FOCAD: variants seen among roughly 807,000 people sequenced by gnomAD.
The protein encoded by FOCAD is KIAA1797.
FOCAD carries 198 observed loss-of-function variants against 225.6 expected under a neutral mutation model. The observed-to-expected ratio is 0.88, with a 90% confidence interval of 0.78 to 0.99. The LOEUF is 0.99. Among genes scored for constraint, FOCAD ranks in the 50% least tolerant of loss-of-function variants. FOCAD has a pLI of 0.00. For synonymous variants in FOCAD, 897 were observed against 755.0 expected, an observed-to-expected ratio of 1.19 and a Z score of -3.08; for missense variants, 2,713 against 2,123.6, an observed-to-expected ratio of 1.28 and a Z score of -5.46.
intron 18 of FOCAD, chr9:20,874,050 AC>A (rs1176157118): frequency 2.6e-5 from 4 of 152,192 alleles, no homozygotes; most frequent in Admixed American, 1.3e-4. Flanking sequence ...GTTCAAACAA[AC>A]CTAACTAATC....
chr9:20,853,509 AAATGTCATGGT>A (rs1195470076), intron 15 of FOCAD, among the ~76,000 whole-genome samples: 3 of 151,754 alleles, frequency 2.0e-5, no homozygotes, highest in African/African-American at 7.2e-5. Context: ...CCTCTTTTGG[AAATGTCATGGT>A]GATGTTACGG....
intron 37 of FOCAD, among the ~76,000 whole-genome samples, chr9:20,981,093 A>C (rs1460903676): frequency 3.9e-5 from 6 of 152,224 alleles, no homozygotes; most frequent in African/African-American, 1.4e-4. Flanking sequence ...AAAACTGAAA[A>C]GTAACTGTCA....
intron 2 of FOCAD, among the ~76,000 whole-genome samples, chr9:20,676,081 C>G (rs1333011231): frequency 6.6e-6 from 1 of 152,146 alleles, no homozygotes; most frequent in African/African-American, 2.4e-5. Flanking sequence ...GAAGAAAAAG[C>G]TTAGTTGGAC....
chr9:20,770,277 A>T (rs760038872), intron 8 of FOCAD, 39 bp downstream of exon 8: 2 of 1,525,916 alleles, frequency 1.3e-6, no homozygotes, highest in Non-Finnish European at 1.8e-6. Flanking sequence ...ATGCATTGCT[A>T]TTAAGAAATA....
chr9:20,734,151 C>T (rs1826941395), intron 4 of FOCAD, among the ~76,000 whole-genome samples: 1 of 152,100 alleles, frequency 6.6e-6, no homozygotes, highest in African/African-American at 2.4e-5. Context: ...TTTTTGTCAT[C>T]TTTTTTTTCT....
intron 4 of FOCAD, among the ~76,000 whole-genome samples, chr9:20,737,401 A>G (rs1255067228): frequency 6.6e-6 from 1 of 152,212 alleles, no homozygotes; most frequent in African/African-American, 2.4e-5. Context: ...AAAAAGGATT[A>G]TTTAATGAAT....
At position 20,938,711 on chromosome 9, in the gene FOCAD, C is replaced by G. The variant is rs150538162; in HGVS notation, c.3407+5608C>G. Among the ~76,000 whole-genome samples the G allele has an allele frequency of 2.2e-3, 340 of 151,206 alleles. 10 individuals are homozygous for G. The East Asian group carries it at 0.043, about 19-fold the overall frequency. ...AACCTGCACATTGTGCACATGTACC[C>G]TAAAACTTATAATAAAGAAAAGAAA... On this transcript the variant is annotated intron_variant, in intron 28 of 43. Transcript: ENST00000338382.
In FOCAD at chr9:20,990,264, C is replaced by T. The variant is rs199645278; in HGVS notation, c.5146C>T (p.Leu1716Phe). Residue 1716 changes from leucine to phenylalanine, a missense_variant, in exon 42 of 44, where the codon CTT (leucine) becomes TTT (phenylalanine). Transcript: ENST00000338382. ...CCCGGCTGGGCCAGTACCAAGCTTCCTTGGCAGGAGTCCAATGCACAGGGT... is the reference window on the plus strand; with the variant it reads ...CCCGGCTGGGCCAGTACCAAGCTTCTTTGGCAGGAGTCCAATGCACAGGGT... ...NGPAGPVPSFLGRSPMHRVTL... is the reference protein window; with the variant it reads ...NGPAGPVPSFFGRSPMHRVTL... 5.0e-6 allele frequency: 8 copies of T among 1,614,184 alleles called. No individual in the cohort carries two copies. Among genetic ancestry groups the T allele is most frequent in the Non-Finnish European group, 5.9e-6 (7 of 1,180,016 alleles).
intron 1 of FOCAD, among the ~76,000 whole-genome samples, chr9:20,708,712 G>A (rs1209021085): frequency 6.6e-6 from 1 of 152,014 alleles, no homozygotes; most frequent in Non-Finnish European, 1.5e-5. Context: ...GGAGTTTGAG[G>A]CTGCAGTGAC....
chr9:20,777,040 T>C (rs530694119), intron 8 of FOCAD, among the ~76,000 whole-genome samples: 5 of 152,228 alleles, frequency 3.3e-5, no homozygotes, highest in Non-Finnish European at 5.9e-5. Context: ...ATACATAGAT[T>C]GGAATATATC....
intron 19 of FOCAD, among the ~76,000 whole-genome samples, chr9:20,876,315 G>T (rs1830218873): frequency 6.6e-6 from 1 of 152,138 alleles, no homozygotes; most frequent in Admixed American, 6.6e-5. Flanking sequence ...GTTATCCAAA[G>T]TTCTTTCTTT....
intron 35 of FOCAD, among the ~76,000 whole-genome samples, chr9:20,958,436 T>C (rs1426937988): frequency 3.3e-5 from 5 of 152,154 alleles, no homozygotes; most frequent in African/African-American, 4.8e-5. Flanking sequence ...ATTATACATA[T>C]TCATGGAGTA....
rs1230515073 is a variant in FOCAD at position 20,695,391 on chromosome 9, A to AT, written c.-33+11100dup. Reference sequence around the variant, plus strand: ...TTAATATTTTTAGCCACAGTTGATGATTCATTCACAAATCAAAGTATTTAT... The same window carrying AT: ...TTAATATTTTTAGCCACAGTTGATGATTTCATTCACAAATCAAAGTATTTAT... On this transcript the variant is annotated intron_variant, in intron 1 of 43. Coordinates refer to ENST00000338382, the MANE Select transcript of FOCAD (RefSeq NM_001375567.1). Among the ~76,000 whole-genome samples, 8 of 152,170 alleles carry AT rather than the reference A, an allele frequency of 5.3e-5. No homozygotes were observed. In the East Asian group the frequency reaches 1.3e-3, roughly 26 times the overall value.
intron 21 of FOCAD, among the ~76,000 whole-genome samples, chr9:20,894,619 A>G (rs1831912406): frequency 6.6e-6 from 1 of 152,116 alleles, no homozygotes. Context: ...AGCATTTTGT[A>G]TATGCTTATT....
intron 35 of FOCAD, among the ~76,000 whole-genome samples, chr9:20,961,601 T>A (rs1267326446): frequency 6.6e-6 from 1 of 152,210 alleles, no homozygotes; most frequent in South Asian, 2.1e-4. Context: ...CTCTCATGTA[T>A]TTTTATTTCT....
At chr9:20,784,341 C>CT (rs760214287) in intron 10 of FOCAD, among the ~76,000 whole-genome samples, 60 of 152,158 alleles carry the variant, frequency 3.9e-4, no homozygotes, top group Non-Finnish European at 7.8e-4. Context: ...TTGACAAGGT[C>CT]TAACACTAGA....
Position 20,882,059 on chromosome 9 carries a change from AAGGGTAG to A in FOCAD, c.2503+4_2503+10del. On this transcript the variant is annotated splice_donor_5th_base_variant and intron_variant, in intron 20 of 43. Transcript: ENST00000338382. ...AGGACTGAAACCTGGCCTTGCAGGT[AAGGGTAG>A]TACATAGTATCAAAAATACAGGTTT... 1 of 1,612,376 alleles carries A rather than the reference AAGGGTAG, an allele frequency of 6.2e-7. No homozygotes were observed. Among genetic ancestry groups the A allele is most frequent in the Non-Finnish European group, 8.5e-7 (1 of 1,179,270 alleles).
chr9:20,900,844 G>C (rs1213903997), intron 21 of FOCAD, among the ~76,000 whole-genome samples: 1 of 151,818 alleles, frequency 6.6e-6, no homozygotes, highest in African/African-American at 2.4e-5. Flanking sequence ...CAGCTTAATT[G>C]TCAGCTTTCA....
intron 37 of FOCAD, among the ~76,000 whole-genome samples, chr9:20,979,440 G>C (rs1447922401): frequency 6.6e-6 from 1 of 152,200 alleles, no homozygotes; most frequent in African/African-American, 2.4e-5. Flanking sequence ...CTGGGTTCAA[G>C]TGATTTTCAT....
Sources: gnomAD v4.1 joint callset for allele counts (sites outside exome capture counted in the v4.1 genomes callset) on GRCh38, gnomAD v4.1.1 for gene constraint, MANE v1.5 for transcripts, NCBI Gene and HGNC (gene_info 2026-07-23, HGNC 2026-07-21) for gene names.